NEBL: variants seen among roughly 807,000 people sequenced by gnomAD.
NEBL encodes nebulette, also known as LIM and SH3 protein 2.
In NEBL, 122 loss-of-function variants were observed where a neutral mutation model predicts 140.2. The observed-to-expected ratio is 0.87, with a 90% CI of 0.75 to 1.01. NEBL has a LOEUF of 1.01. NEBL is among the 50% of genes least tolerant of loss of function. The pLI is 0.00. For missense variants in NEBL, 1,365 were observed against 1,231.3 expected (o/e 1.11, Z -1.62); for synonymous variants, 436 against 398.9 (o/e 1.09, Z -1.11).
intron 4 of NEBL, among the ~76,000 whole-genome samples, chr10:20,904,187 C>T (rs1847994052): frequency 6.6e-6 from 1 of 152,144 alleles, no homozygotes; most frequent in Non-Finnish European, 1.5e-5. Context: ...GAAAGGAAAA[C>T]CATAGATAAG....
At chr10:21,049,773 C>A (rs1054709399) in intron 2 of NEBL, among the ~76,000 whole-genome samples, 5 of 152,190 alleles carry the variant, frequency 3.3e-5, no homozygotes, top group African/African-American at 1.2e-4. Flanking sequence ...GGCTGTGTTT[C>A]TGCATCTCTC....
chr10:20,987,774 A>G (rs1837311863), intron 3 of NEBL, among the ~76,000 whole-genome samples: 2 of 152,030 alleles, frequency 1.3e-5, no homozygotes, highest in African/African-American at 4.8e-5. Context: ...ATGGAAGGAG[A>G]TTTTCCAGGG....
intron 18 of NEBL, among the ~76,000 whole-genome samples, chr10:20,825,173 T>C (rs1318727573): frequency 2.0e-5 from 3 of 152,168 alleles, no homozygotes; most frequent in Non-Finnish European, 4.4e-5. Flanking sequence ...TCCTACACTT[T>C]CTTCACAAAC....
In NEBL at chr10:21,200,308, C is replaced by CTTTTTTT. The variant is rs10671099; in HGVS notation, n.349-27838_349-27832dup. The stretch of plus-strand genomic sequence containing the variant: ...GTGTGAAGTGACATATTCCAAGGGA[C>CTTTTTTT]TTTTTTTTTTTTTTTTTTTTTTTGA... On this transcript the variant is annotated intron_variant and non_coding_transcript_variant, in intron 3 of 8. Transcript: ENST00000675702. Among the ~76,000 whole-genome samples the CTTTTTTT allele has an allele frequency of 1.1e-3, 93 of 81,944 alleles. 5 individuals carry two copies. Among genetic ancestry groups the CTTTTTTT allele is most frequent in the African/African-American group, 2.3e-3 (45 of 19,332 alleles). The allele number at this position is 81,944 out of a possible 152,430, so 53.8% of individuals were successfully genotyped here.
At chr10:21,108,406 C>A (rs564751810) in intron 2 of NEBL, among the ~76,000 whole-genome samples, 2 of 152,082 alleles carry the variant, frequency 1.3e-5, no homozygotes, top group African/African-American at 4.8e-5. Flanking sequence ...TTTCTGCCTT[C>A]GTTTCATTAT....
intron 4 of NEBL, among the ~76,000 whole-genome samples, chr10:20,911,977 C>T (rs1251778032): frequency 1.3e-5 from 2 of 152,138 alleles, no homozygotes; most frequent in Non-Finnish European, 2.9e-5. Flanking sequence ...AATAAGTTTT[C>T]GTGTCATCGC....
intron 2 of NEBL, among the ~76,000 whole-genome samples, chr10:21,026,006 G>A (rs10764302): frequency 0.23 from 35,365 of 151,944 alleles, 4,358 homozygotes; most frequent in East Asian, 0.33. Flanking sequence ...TGTGTCTCAC[G>A]ACCTTCATCT....
intron 2 of NEBL, among the ~76,000 whole-genome samples, chr10:21,137,536 G>A (rs1459627174): frequency 6.6e-6 from 1 of 152,154 alleles, no homozygotes; most frequent in Non-Finnish European, 1.5e-5. Flanking sequence ...GGCTACTGCT[G>A]CCCCATTAGG....
chr10:21,188,300 T>G (rs1002094526), intron 3 of NEBL, among the ~76,000 whole-genome samples: 1 of 152,168 alleles, frequency 6.6e-6, no homozygotes, highest in African/African-American at 2.4e-5. Context: ...CGTGTAACAC[T>G]TTTTATGGCT....
At chr10:21,116,022 G>T (rs1310982417) in intron 2 of NEBL, among the ~76,000 whole-genome samples, 1 of 151,744 alleles carries the variant, frequency 6.6e-6, no homozygotes, top group Non-Finnish European at 1.5e-5. Context: ...TCCCTCTCAT[G>T]TATCTTCTGT....
intron 3 of NEBL, among the ~76,000 whole-genome samples, chr10:21,019,729 G>A (rs1211896743): frequency 6.6e-6 from 1 of 152,172 alleles, no homozygotes. Flanking sequence ...ACACAGACGG[G>A]GTGTTAGCCG....
intron 24 of NEBL, among the ~76,000 whole-genome samples, chr10:20,810,660 C>T (rs1418528742): frequency 6.6e-6 from 1 of 152,202 alleles, no homozygotes; most frequent in African/African-American, 2.4e-5. Flanking sequence ...CTTCTGAATT[C>T]ACCAGTCTCT....
At chr10:21,046,802 C>T (rs892302204) in intron 2 of NEBL, among the ~76,000 whole-genome samples, 1 of 152,100 alleles carries the variant, frequency 6.6e-6, no homozygotes, top group African/African-American at 2.4e-5. Flanking sequence ...TGGGGTTTCA[C>T]CATGTTAGCC....
chr10:20,869,076 G>C (rs1009456837), intron 6 of NEBL, among the ~76,000 whole-genome samples: 2 of 152,104 alleles, frequency 1.3e-5, no homozygotes, highest in Admixed American at 1.3e-4. Context: ...TTGAGACCCT[G>C]TACTCTCCAT....
At chr10:21,198,409 C>T (rs536565035) in intron 3 of NEBL, among the ~76,000 whole-genome samples, 1 of 152,252 alleles carries the variant, frequency 6.6e-6, no homozygotes, top group East Asian at 1.9e-4. Context: ...CTCTCTGTGC[C>T]TCCTGGTTTT....
chr10:20,997,504 A>C (rs1306313797), intron 3 of NEBL, among the ~76,000 whole-genome samples: 1 of 137,206 alleles, frequency 7.3e-6, no homozygotes, highest in Non-Finnish European at 1.5e-5. Flanking sequence ...AAAAAAAAAA[A>C]AAAAAAAAAA....
chr10:21,144,488 G>A (rs1255018265), intron 2 of NEBL, among the ~76,000 whole-genome samples: 1 of 152,226 alleles, frequency 6.6e-6, no homozygotes, highest in East Asian at 1.9e-4. Context: ...CACTTTGGGA[G>A]GCCGAGGTGG....
rs183262781 is a variant in NEBL, at chr10:20,935,483, G to A, written c.357+26189C>T. Among the ~76,000 whole-genome samples, 138 of 152,206 alleles carry A rather than the reference G, an allele frequency of 9.1e-4. 1 individual carries two copies. Among genetic ancestry groups the A allele is most frequent in the African/African-American group, 3.1e-3 (127 of 41,538 alleles). ...ACACCCCCAAGAACATGCTCCCCTCGGTAGTGAGCCTTAAAATATTTGCAT... is the reference window on the plus strand; with the variant it reads ...ACACCCCCAAGAACATGCTCCCCTCAGTAGTGAGCCTTAAAATATTTGCAT... On this transcript the variant is annotated intron_variant, in intron 4 of 6. Transcript: ENST00000417816.
At chr10:21,195,229 G>A (rs1366729840) in intron 3 of NEBL, among the ~76,000 whole-genome samples, 2 of 152,170 alleles carry the variant, frequency 1.3e-5, no homozygotes, top group African/African-American at 2.4e-5. Context: ...ATGAAAGGAA[G>A]ATCTTCAAAT....
Sources: gnomAD v4.1 joint callset for allele counts (sites outside exome capture counted in the v4.1 genomes callset) on GRCh38, gnomAD v4.1.1 for gene constraint, MANE v1.5 for transcripts, NCBI Gene and HGNC (gene_info 2026-07-23, HGNC 2026-07-21) for gene names.